Variants in SH3RF3 observed in about 807,000 individuals in gnomAD.
SH3RF3 encodes the protein SH3 domain containing ring finger 3, also known as E3 ubiquitin-protein ligase SH3RF3.
SH3RF3 carries 29 observed loss-of-function variants against 66.3 expected under a neutral mutation model. That is an observed-to-expected ratio of 0.44 (90% CI 0.33 to 0.60). The LOEUF (loss-of-function observed/expected upper bound fraction) is 0.60, where lower values mean the gene tolerates loss of function less well. Among genes scored for constraint, SH3RF3 ranks in the 20% least tolerant of loss-of-function variants. The pLI, the probability that SH3RF3 is intolerant of heterozygous loss-of-function variation, is 0.04. For synonymous variants in SH3RF3, 583 were observed against 532.0 expected, an observed-to-expected ratio of 1.10 and a Z score of -1.32; for missense variants, 1,194 against 1,190.9, an observed-to-expected ratio of 1.00 and a Z score of -0.04.
At chr2:109,198,299 AT>A (rs1167386614) in intron 1 of SH3RF3, among the ~76,000 whole-genome samples, 1 of 152,182 alleles carries the variant, frequency 6.6e-6, no homozygotes, top group East Asian at 1.9e-4. Flanking sequence ...AATGACAGGA[AT>A]TTATGACCCT....
rs144813847 is a variant in SH3RF3, at chr2:109,405,230, C to T, written c.1299+6287C>T. On this transcript the variant is annotated intron_variant, in intron 4 of 9. Transcript: ENST00000309415. ...AACTTCAGCGCATGCCAGGAGCAAC[C>T]GATGACACCCCTCTTTCCGCAAACC... 3.9e-5 allele frequency among the ~76,000 whole-genome samples: 6 copies of T among 152,290 alleles called. No individual in the cohort carries two copies. The South Asian group carries it at 6.2e-4, about 16-fold the overall frequency.
intron 1 of SH3RF3, among the ~76,000 whole-genome samples, chr2:109,341,352 A>G (rs1416215416): frequency 6.6e-6 from 1 of 152,252 alleles, no homozygotes; most frequent in African/African-American, 2.4e-5. Flanking sequence ...TAAATGCATT[A>G]TTTAAAATAA....
At chr2:109,294,767 C>T (rs1003851065) in intron 1 of SH3RF3, among the ~76,000 whole-genome samples, 4 of 152,022 alleles carry the variant, frequency 2.6e-5, no homozygotes, top group Admixed American at 6.5e-5. Flanking sequence ...AGTCACGACC[C>T]GAGTGGGAGG....
At chr2:109,201,725 T>C (rs564874158) in intron 1 of SH3RF3, among the ~76,000 whole-genome samples, 63 of 152,326 alleles carry the variant, frequency 4.1e-4, no homozygotes, top group African/African-American at 1.4e-3. Flanking sequence ...GAGAGCCACG[T>C]ACAGCCCAGG....
intron 9 of SH3RF3, among the ~76,000 whole-genome samples, chr2:109,493,172 G>A (rs1327223171): frequency 1.2e-4 from 18 of 144,726 alleles, no homozygotes; most frequent in Admixed American, 9.7e-4. Flanking sequence ...CCACACATAC[G>A]CCATGCAAAC....
At chr2:109,500,586 T>A (rs1208197199) in intron 9 of SH3RF3, among the ~76,000 whole-genome samples, 1 of 152,178 alleles carries the variant, frequency 6.6e-6, no homozygotes, top group Non-Finnish European at 1.5e-5. Flanking sequence ...GATGTTGATG[T>A]TGTGGCCTCA....
At chr2:109,435,093 G>C (rs1677362911) in intron 6 of SH3RF3, among the ~76,000 whole-genome samples, 1 of 152,148 alleles carries the variant, frequency 6.6e-6, no homozygotes, top group Non-Finnish European at 1.5e-5. Flanking sequence ...TTAAGGAAAA[G>C]CCACTCCAAA....
At chr2:109,302,806 G>C (rs1010482916) in intron 1 of SH3RF3, among the ~76,000 whole-genome samples, 3 of 152,182 alleles carry the variant, frequency 2.0e-5, no homozygotes, top group Non-Finnish European at 2.9e-5. Flanking sequence ...GGTTATGCTG[G>C]AGAAAAGTGG....
At chr2:109,439,103 G>A (rs1677492790) in intron 7 of SH3RF3, among the ~76,000 whole-genome samples, 1 of 152,154 alleles carries the variant, frequency 6.6e-6, no homozygotes, top group Non-Finnish European at 1.5e-5. Flanking sequence ...AGCCCTGCCA[G>A]TCACTTCTCC....
chr2:109,322,954 G>A (rs1682061565), intron 1 of SH3RF3, among the ~76,000 whole-genome samples: 1 of 152,182 alleles, frequency 6.6e-6, no homozygotes, highest in Non-Finnish European at 1.5e-5. Flanking sequence ...GAGTGGGCAG[G>A]CAATATAAAG....
intron 1 of SH3RF3, among the ~76,000 whole-genome samples, chr2:109,303,074 T>C (rs1476735117): frequency 6.6e-6 from 1 of 152,108 alleles, no homozygotes; most frequent in Admixed American, 6.5e-5. Context: ...CGGGGTTTCA[T>C]CATGCTGGCC....
rs147901651 is a variant in SH3RF3, at chr2:109,393,687, C to T, written c.946-4903C>T. Among the ~76,000 whole-genome samples the T allele has an allele frequency of 4.8e-3, 735 of 152,066 alleles. 4 individuals are homozygous for T. Among genetic ancestry groups the T allele is most frequent in the African/African-American group, 0.017 (702 of 41,476 alleles). ...TCAGGACACATTCCCTCCCTTGTATCGCGCTCCCAAGCCCTGTCGCTCAGT... is the reference window on the plus strand; with the variant it reads ...TCAGGACACATTCCCTCCCTTGTATTGCGCTCCCAAGCCCTGTCGCTCAGT... On this transcript the variant is annotated intron_variant, in intron 3 of 9. Transcript: ENST00000309415.
At chr2:109,261,654 G>A (rs945218980) in intron 1 of SH3RF3, among the ~76,000 whole-genome samples, 12 of 152,300 alleles carry the variant, frequency 7.9e-5, no homozygotes, top group African/African-American at 1.2e-4. Context: ...GCTGTGTGCT[G>A]GCCAGGCCCC....
intron 3 of SH3RF3, among the ~76,000 whole-genome samples, chr2:109,391,632 C>G (rs536865829): frequency 5.3e-5 from 8 of 152,296 alleles, no homozygotes; most frequent in Admixed American, 2.0e-4. Flanking sequence ...AGTGCTGGCA[C>G]CAGTGTTTTA....
At position 109,432,758 on chromosome 2, in the gene SH3RF3, G is replaced by C. The variant is rs771251535; in HGVS notation, c.1574+87G>C. On this transcript the variant is annotated intron_variant, in intron 6 of 9. Transcript: ENST00000309415. ...TGTTGTTACTGCTGGAGGCTACTCTGTCAGCCGGGCCCAGAAGGCAGCAAG... is the reference window on the plus strand; with the variant it reads ...TGTTGTTACTGCTGGAGGCTACTCTCTCAGCCGGGCCCAGAAGGCAGCAAG... 2.9e-4 allele frequency: 432 copies of C among 1,483,474 alleles called. 1 individual carries two copies. The highest frequency in any genetic ancestry group is 6.4e-4 in the Middle Eastern group (3 of 4,688). 91.9% of individuals were successfully genotyped at this position (1,483,474 alleles called of 1,614,324 possible). A position where few individuals can be genotyped will look rare whatever the true frequency, so the allele number is the denominator to read the frequency against.
chr2:109,452,834 G>A (rs1243434875), intron 8 of SH3RF3, among the ~76,000 whole-genome samples: 1 of 150,194 alleles, frequency 6.7e-6, no homozygotes, highest in Admixed American at 6.6e-5. Flanking sequence ...GCTGGTGCCA[G>A]GAGGCTGGTC....
At chr2:109,460,166 G>C (rs1177334442) in intron 8 of SH3RF3, among the ~76,000 whole-genome samples, 1 of 152,210 alleles carries the variant, frequency 6.6e-6, no homozygotes, top group East Asian at 1.9e-4. Context: ...AGTGCTGTGT[G>C]GAATACCGTG....
chr2:109,400,170 C>T lies in SH3RF3; in HGVS notation c.1299+1227C>T, dbSNP rs538033580. Among the ~76,000 whole-genome samples the T allele has an allele frequency of 3.9e-5, 6 of 152,296 alleles. No individual in the cohort carries two copies. The East Asian group carries it at 1.2e-3, about 29-fold the overall frequency. The stretch of plus-strand genomic sequence containing the variant: ...AGCTTCTGGAGAAGGGCCATGTAAT[C>T]TAGATGTGCCACATCAGCCTAGAAA... On this transcript the variant is annotated intron_variant, in intron 4 of 9. Transcript: ENST00000309415.
intron 1 of SH3RF3, among the ~76,000 whole-genome samples, chr2:109,147,252 C>T (rs1158001676): frequency 5.9e-5 from 9 of 152,066 alleles, no homozygotes; most frequent in Non-Finnish European, 1.2e-4. Flanking sequence ...GAGGTTTGCT[C>T]GAAAGATGTA....
Sources: allele counts gnomAD v4.1 joint callset (sites outside exome capture counted in the v4.1 genomes callset), GRCh38; gene constraint gnomAD v4.1.1; transcripts MANE v1.5; gene names NCBI Gene and HGNC (gene_info 2026-07-23, HGNC 2026-07-21).